Variants in ADCY2 observed in about 807,000 individuals in gnomAD.
ADCY2 encodes adenylate cyclase type 2.
ADCY2 carries 31 observed loss-of-function variants against 125.2 expected under a neutral mutation model. The ratio of observed to expected loss-of-function variants is 0.25; its 90% confidence interval spans 0.19 to 0.33. The LOEUF (loss-of-function observed/expected upper bound fraction) is 0.33. Ranked by LOEUF, ADCY2 falls within the 10% of genes least tolerant of loss-of-function variation. The probability of loss-of-function intolerance (pLI) is 1.00; values close to 1 mark genes in which losing one functional copy is unlikely to be tolerated. For missense variants in ADCY2, 904 were observed against 1,418.2 expected, an observed-to-expected ratio of 0.64 and a Z score of 5.82; for synonymous variants, 512 against 548.4, an observed-to-expected ratio of 0.93 and a Z score of 0.93.
chr5:7,623,223 G>T (rs1051392998), intron 3 of ADCY2, among the ~76,000 whole-genome samples: 1 of 152,176 alleles, frequency 6.6e-6, no homozygotes, highest in Non-Finnish European at 1.5e-5. Flanking sequence ...TGACGGGTTT[G>T]CTTCGAAGGC....
chr5:7,702,201 G>A (rs907237200), intron 7 of ADCY2, among the ~76,000 whole-genome samples: 2 of 151,380 alleles, frequency 1.3e-5, no homozygotes, highest in Non-Finnish European at 1.5e-5. Context: ...AGACCAGCCT[G>A]GCCAGCATAG....
intron 4 of ADCY2, among the ~76,000 whole-genome samples, chr5:7,650,819 A>C (rs1739061831): frequency 6.6e-6 from 1 of 152,312 alleles, no homozygotes; most frequent in South Asian, 2.1e-4. Flanking sequence ...ATCCTAACAA[A>C]ATGGAATTGA....
At chr5:7,548,564 C>T (rs923399911) in intron 3 of ADCY2, among the ~76,000 whole-genome samples, 1 of 152,196 alleles carries the variant, frequency 6.6e-6, no homozygotes, top group Non-Finnish European at 1.5e-5. Context: ...TGAACAACTT[C>T]TATTTCAGTT....
chr5:7,400,814 C>T (rs541102806), intron 1 of ADCY2, among the ~76,000 whole-genome samples: 34 of 152,294 alleles, frequency 2.2e-4, no homozygotes, highest in African/African-American at 7.2e-4. Flanking sequence ...TTCTCTAAGT[C>T]GTTTTAGTTA....
intron 4 of ADCY2, among the ~76,000 whole-genome samples, chr5:7,656,333 C>T (rs1166416573): frequency 5.3e-5 from 8 of 152,148 alleles, no homozygotes; most frequent in Admixed American, 4.6e-4. Flanking sequence ...GGGTTACAGG[C>T]GTGAGCCACG....
At chr5:7,804,480 AG>A in intron 21 of ADCY2, 104 bp from the exon 22 acceptor site, 1 of 888,500 alleles carries the variant, frequency 1.1e-6, no homozygotes. Flanking sequence ...GGTTGAAACA[AG>A]TCACGGCATT....
chr5:7,589,520 G>GA (rs781438703), intron 3 of ADCY2, among the ~76,000 whole-genome samples: 6,986 of 98,972 alleles, frequency 0.071, 254 homozygotes, highest in Non-Finnish European at 0.1. Flanking sequence ...GAAAAGAAAA[G>GA]AAAGAGAAAG....
chr5:7,492,057 T>A (rs1012517585), intron 2 of ADCY2, among the ~76,000 whole-genome samples: 2 of 152,192 alleles, frequency 1.3e-5, no homozygotes, highest in African/African-American at 4.8e-5. Context: ...TGCCAGGTGC[T>A]GTAGATGTCT....
intron 3 of ADCY2, among the ~76,000 whole-genome samples, chr5:7,547,812 A>G (rs1209182878): frequency 2.0e-5 from 3 of 152,150 alleles, no homozygotes; most frequent in Non-Finnish European, 2.9e-5. Context: ...CACCCTCACC[A>G]TGTCAGACTT....
intron 18 of ADCY2, among the ~76,000 whole-genome samples, chr5:7,780,089 A>G (rs756684416): frequency 6.6e-6 from 1 of 152,200 alleles, no homozygotes; most frequent in African/African-American, 2.4e-5. Flanking sequence ...AGAGGACACC[A>G]TGAAAGTAGA....
chr5:7,419,692 G>A (rs1304359451), intron 2 of ADCY2, among the ~76,000 whole-genome samples: 2 of 152,088 alleles, frequency 1.3e-5, no homozygotes, highest in Admixed American at 1.3e-4. Context: ...CACTCTTCTC[G>A]GGCAGGACAT....
chr5:7,676,277 G>T (rs1004479386), intron 4 of ADCY2, among the ~76,000 whole-genome samples: 1 of 152,170 alleles, frequency 6.6e-6, no homozygotes, highest in Non-Finnish European at 1.5e-5. Context: ...GTGGTATGGT[G>T]TGCTTTTATC....
intron 4 of ADCY2, among the ~76,000 whole-genome samples, chr5:7,673,198 T>TACAAGACC (rs1739991066): frequency 8.3e-6 from 1 of 120,596 alleles, no homozygotes; most frequent in Non-Finnish European, 1.6e-5. Context: ...AGCTCAGGAC[T>TACAAGACC]ACAAGACCAG....
intron 2 of ADCY2, among the ~76,000 whole-genome samples, chr5:7,464,929 G>A (rs1346693647): frequency 1.3e-5 from 2 of 152,146 alleles, no homozygotes; most frequent in Admixed American, 6.5e-5. Flanking sequence ...TGGACCCACA[G>A]TTCTATGTGG....
intron 17 of ADCY2, among the ~76,000 whole-genome samples, chr5:7,768,156 G>T (rs1560970129): frequency 6.6e-6 from 1 of 152,202 alleles, no homozygotes; most frequent in Non-Finnish European, 1.5e-5. Flanking sequence ...GGAAGAGGGG[G>T]GTGCTATAGG....
At chr5:7,442,259 T>A (rs975281258) in intron 2 of ADCY2, among the ~76,000 whole-genome samples, 1 of 152,130 alleles carries the variant, frequency 6.6e-6, no homozygotes, top group African/African-American at 2.4e-5. Context: ...TTTGTTCCTA[T>A]CCAACTTGAA....
At chr5:7,443,239 A>C (rs1741079552) in intron 2 of ADCY2, among the ~76,000 whole-genome samples, 1 of 152,208 alleles carries the variant, frequency 6.6e-6, no homozygotes, top group South Asian at 2.1e-4. Context: ...GTTTATGCTA[A>C]CATTTCTTAT....
intron 2 of ADCY2, among the ~76,000 whole-genome samples, chr5:7,415,603 A>AT (rs1436048065): frequency 6.6e-6 from 1 of 151,910 alleles, no homozygotes; most frequent in African/African-American, 2.4e-5. Context: ...TGTGACACTG[A>AT]TTTTCCCTCC....
chr5:7,798,890 G>C (rs528284076), intron 20 of ADCY2: 2 of 152,270 alleles, frequency 1.3e-5, no homozygotes, highest in African/African-American at 4.8e-5. Flanking sequence ...TTCTTGGACT[G>C]GGGCCTCTAA....
Sources: allele counts gnomAD v4.1 joint callset (sites outside exome capture counted in the v4.1 genomes callset), GRCh38; gene constraint gnomAD v4.1.1; transcripts MANE v1.5; gene names NCBI Gene and HGNC (gene_info 2026-07-23, HGNC 2026-07-21).